GMDS: variants seen among roughly 807,000 people sequenced by gnomAD.
GMDS encodes GDP-mannose 4,6-dehydratase.
In GMDS, 20 loss-of-function variants were observed where a neutral mutation model predicts 49.9. The observed-to-expected ratio is 0.40, with a 90% CI of 0.28 to 0.58. GMDS has a LOEUF of 0.58. Among genes scored for constraint, GMDS ranks in the 20% least tolerant of loss-of-function variants. GMDS has a pLI of 0.42. For missense variants in GMDS, 362 were observed against 481.4 expected (o/e 0.75, Z 2.32); for synonymous variants, 177 against 178.6 (o/e 0.99, Z 0.07).
chr6:1,870,252 T>G (rs1581278498), intron 7 of GMDS, among the ~76,000 whole-genome samples: 1 of 152,142 alleles, frequency 6.6e-6, no homozygotes, highest in Non-Finnish European at 1.5e-5. Context: ...TACAGAGAAG[T>G]GCACTTGGTG....
intron 1 of GMDS, among the ~76,000 whole-genome samples, chr6:2,219,956 T>C (rs1201750992): frequency 6.6e-6 from 1 of 152,172 alleles, no homozygotes; most frequent in African/African-American, 2.4e-5. Context: ...ATAAGGGATA[T>C]TCAACCTATA....
chr6:1,974,460 T>C (rs193257083), intron 4 of GMDS, among the ~76,000 whole-genome samples: 133 of 152,026 alleles, frequency 8.7e-4, no homozygotes, highest in African/African-American at 3.1e-3. Flanking sequence ...GCTAGAGAAG[T>C]AGGCACAGGA....
At chr6:1,924,193 C>T (rs1382807057) in intron 7 of GMDS, among the ~76,000 whole-genome samples, 4 of 152,220 alleles carry the variant, frequency 2.6e-5, no homozygotes, top group Non-Finnish European at 5.9e-5. Context: ...TAACATTTGG[C>T]AATTACGTTT....
intron 7 of GMDS, among the ~76,000 whole-genome samples, chr6:1,818,709 T>C (rs1407753083): frequency 6.6e-6 from 1 of 151,816 alleles, no homozygotes; most frequent in East Asian, 1.9e-4. Flanking sequence ...TATGTACATA[T>C]ATACACATGC....
At position 1,685,147 on chromosome 6, in the gene GMDS, A is replaced by G. The variant is rs142523136; in HGVS notation, c.987+41269T>C. ...TGCGGTGGCTCATGCCTGTAATCCT[A>G]GCACTTTGGGAGGCCGAGGTGGGCA... On this transcript the variant is annotated intron_variant, in intron 9 of 10. Coordinates refer to ENST00000380815, the MANE Select transcript of GMDS (RefSeq NM_001500.4). Among the ~76,000 whole-genome samples the G allele has an allele frequency of 7.4e-3, 1,121 of 152,292 alleles. 16 individuals carry two copies. Among genetic ancestry groups the G allele is most frequent in the African/African-American group, 0.026 (1,062 of 41,552 alleles).
intron 7 of GMDS, among the ~76,000 whole-genome samples, chr6:1,850,589 A>T (rs1413897393): frequency 1.3e-5 from 2 of 152,048 alleles, no homozygotes; most frequent in Non-Finnish European, 2.9e-5. Context: ...ACATGAGATT[A>T]AAAAAAAGTC....
intron 7 of GMDS, among the ~76,000 whole-genome samples, chr6:1,774,939 G>C (rs542432016): frequency 2.0e-5 from 3 of 152,308 alleles, no homozygotes; most frequent in African/African-American, 7.2e-5. Flanking sequence ...CATTCCAGGG[G>C]GAGTTGAAGG....
intron 7 of GMDS, among the ~76,000 whole-genome samples, chr6:1,924,232 A>C (rs1479385258): frequency 1.3e-5 from 2 of 152,224 alleles, no homozygotes; most frequent in African/African-American, 4.8e-5. Context: ...GTTATGATTC[A>C]GTCTGTGCTC....
chr6:1,662,009 C>G (rs933048236), intron 9 of GMDS, among the ~76,000 whole-genome samples: 1 of 152,124 alleles, frequency 6.6e-6, no homozygotes, highest in Non-Finnish European at 1.5e-5. Flanking sequence ...ACAGCAGGAG[C>G]ACCGGGAGTC....
At chr6:1,797,064 G>C (rs1034227403) in intron 7 of GMDS, among the ~76,000 whole-genome samples, 3 of 152,190 alleles carry the variant, frequency 2.0e-5, no homozygotes, top group African/African-American at 7.2e-5. Flanking sequence ...GTTAGGAACT[G>C]GGCCGCAAAG....
rs34633662 is a variant in GMDS at position 1,833,126 on chromosome 6, C to CTT, written c.772-90542_772-90541dup. On this transcript the variant is annotated intron_variant, in intron 7 of 10. Coordinates refer to ENST00000380815, the MANE Select transcript of GMDS (RefSeq NM_001500.4). The surrounding 1 kb of genome is among the most constrained non-coding windows in gnomAD (Gnocchi z 4.4). ...ACCCGGCAGTGGAGCGTATGAAAGC[C>CTT]TTTTTTTTTTTTTTTTTTTTTTTAA... Among the ~76,000 whole-genome samples, 977 of 123,336 alleles carry CTT rather than the reference C, an allele frequency of 7.9e-3. 9 individuals carry two copies. The highest frequency in any genetic ancestry group is 0.028 in the African/African-American group (928 of 33,552). The allele number at this position is 123,336 out of a possible 152,430, so 80.9% of individuals were successfully genotyped here. A position where few individuals can be genotyped will look rare whatever the true frequency, so the allele number is the denominator to read the frequency against.
At chr6:1,897,417 G>A (rs1760258145) in intron 7 of GMDS, among the ~76,000 whole-genome samples, 1 of 152,168 alleles carries the variant, frequency 6.6e-6, no homozygotes, top group South Asian at 2.1e-4. Context: ...GGGGTTAGGT[G>A]GCAAAATTCA....
At chr6:1,742,936 C>T (rs973058019) in intron 7 of GMDS, among the ~76,000 whole-genome samples, 1 of 152,106 alleles carries the variant, frequency 6.6e-6, no homozygotes, top group African/African-American at 2.4e-5. Flanking sequence ...TGGCAAATAA[C>T]CTTTTTATGG....
chr6:1,852,768 G>T lies in GMDS; in HGVS notation c.771+77335C>A, dbSNP rs142344976. 1.3e-3 allele frequency among the ~76,000 whole-genome samples: 197 copies of T among 151,828 alleles called. 5 individuals are homozygous for T. In the East Asian group the frequency reaches 0.033, roughly 25 times the overall value. ...GTTGCCCAGGCTAGAGTGCAATGGTGTGATCTCGGCGCGATGCAACCTCTG... is the reference window on the plus strand; with the variant it reads ...GTTGCCCAGGCTAGAGTGCAATGGTTTGATCTCGGCGCGATGCAACCTCTG... On this transcript the variant is annotated intron_variant, in intron 7 of 10. Coordinates refer to ENST00000380815, the MANE Select transcript of GMDS (RefSeq NM_001500.4).
intron 4 of GMDS, among the ~76,000 whole-genome samples, chr6:1,998,225 A>C (rs771958947): frequency 1.6e-4 from 25 of 152,248 alleles, no homozygotes; most frequent in Non-Finnish European, 2.9e-4. Flanking sequence ...ATTGAATGAA[A>C]GAGAAAGAAT....
chr6:1,791,902 CTCT>C (rs1769558443), intron 7 of GMDS, among the ~76,000 whole-genome samples: 2 of 151,992 alleles, frequency 1.3e-5, no homozygotes, highest in Non-Finnish European at 1.5e-5. Flanking sequence ...AAACAGAAAT[CTCT>C]TGTTTCTTGC....
At chr6:1,698,069 A>C (rs1193410634) in intron 9 of GMDS, among the ~76,000 whole-genome samples, 1 of 152,182 alleles carries the variant, frequency 6.6e-6, no homozygotes, top group African/African-American at 2.4e-5. Flanking sequence ...AAAAGCAAAG[A>C]GTAGACAAAG....
intron 7 of GMDS, among the ~76,000 whole-genome samples, chr6:1,781,480 A>G (rs1220113213): frequency 6.6e-6 from 1 of 152,086 alleles, no homozygotes; most frequent in Admixed American, 6.5e-5. Context: ...CCTTCTGCCT[A>G]CTTCCTCAGG....
In GMDS at chr6:2,245,426, C is replaced by A. The variant is rs574902321; in HGVS notation, c.-4G>T. On this transcript the variant is annotated 5_prime_UTR_variant, in exon 1 of 11. Coordinates refer to ENST00000380815, the MANE Select transcript of GMDS (RefSeq NM_001500.4). ...AGCGTGCCGGTGCGTGTGCCATGTC[C>A]CGCGGCGGGCGTGCGGTCGGCGGCA... The A allele has an allele frequency of 1.2e-5, 17 of 1,472,276 alleles. No homozygotes were observed. The highest frequency in any genetic ancestry group is 1.4e-5 in the Non-Finnish European group (16 of 1,118,350). The allele number at this position is 1,472,276 out of a possible 1,614,324, so 91.2% of individuals were successfully genotyped here.
Sources: gnomAD v4.1 joint callset for allele counts (sites outside exome capture counted in the v4.1 genomes callset) on GRCh38, gnomAD v4.1.1 for gene constraint, Gnocchi (gnomAD v3.1) non-coding constraint, MANE v1.5 for transcripts, NCBI Gene and HGNC (gene_info 2026-07-23, HGNC 2026-07-21) for gene names.